SYNJ1: variants seen among roughly 807,000 people sequenced by gnomAD.
SYNJ1 encodes polyphosphatidylinositol phosphatase SYNJ1.
In SYNJ1, 78 loss-of-function variants were observed where a neutral mutation model predicts 168.2. The observed-to-expected ratio is 0.46, with a 90% confidence interval of 0.39 to 0.56. The LOEUF (loss-of-function observed/expected upper bound fraction) is 0.56. Among genes scored for constraint, SYNJ1 ranks in the 20% least tolerant of loss-of-function variants. The probability of loss-of-function intolerance (pLI) is 0.00; values close to 1 mark genes in which losing one functional copy is unlikely to be tolerated. For missense variants in SYNJ1, 1,303 were observed against 1,597.6 expected, an observed-to-expected ratio of 0.82 and a Z score of 3.14; for synonymous variants, 539 against 548.6, an observed-to-expected ratio of 0.98 and a Z score of 0.24.
chr21:32,653,402 C>A, intron 21 of SYNJ1, 36 bp from the exon 22 acceptor site: 1 of 1,488,514 alleles, frequency 6.7e-7, no homozygotes, highest in South Asian at 1.1e-5. Context: ...TAATTAATAC[C>A]ATAGACATAA....
At chr21:32,727,219 T>G (rs907303318) in intron 1 of SYNJ1, among the ~76,000 whole-genome samples, 1 of 152,230 alleles carries the variant, frequency 6.6e-6, no homozygotes, top group Admixed American at 6.5e-5. Context: ...AGGAAAAATT[T>G]TGAGCGTATT....
At chr21:32,697,035 C>A (rs2042237850) in intron 4 of SYNJ1, among the ~76,000 whole-genome samples, 1 of 152,234 alleles carries the variant, frequency 6.6e-6, no homozygotes, top group Non-Finnish European at 1.5e-5. Flanking sequence ...TTATAAGAAA[C>A]TTACTTGTCC....
intron 2 of SYNJ1, among the ~76,000 whole-genome samples, chr21:32,714,623 G>A (rs1400142455): frequency 6.6e-6 from 1 of 152,184 alleles, no homozygotes; most frequent in Non-Finnish European, 1.5e-5. Flanking sequence ...TTGGTAGATG[G>A]AGTGCAATCC....
At chr21:32,658,017 T>C (rs192415536) in intron 18 of SYNJ1, 145 bp from the exon 19 acceptor site, 464 of 634,404 alleles carry the variant, frequency 7.3e-4, no homozygotes, top group Non-Finnish European at 1.0e-3. Context: ...TCTAGCTGAA[T>C]GGAACAAAGC....
intron 2 of SYNJ1, among the ~76,000 whole-genome samples, chr21:32,725,163 T>C (rs553809573): frequency 6.6e-6 from 1 of 152,328 alleles, no homozygotes; most frequent in South Asian, 2.1e-4. Context: ...TGACTTGCTA[T>C]TATGAGTAAT....
At chr21:32,708,529 T>C (rs1005570258) in intron 2 of SYNJ1, among the ~76,000 whole-genome samples, 2 of 152,340 alleles carry the variant, frequency 1.3e-5, no homozygotes, top group African/African-American at 4.8e-5. Context: ...TTCGGAGTGA[T>C]TCTGAGCCCA....
intron 32 of SYNJ1, among the ~76,000 whole-genome samples, chr21:32,632,217 T>A (rs1279728478): frequency 6.6e-6 from 1 of 152,238 alleles, no homozygotes; most frequent in Non-Finnish European, 1.5e-5. Flanking sequence ...ATGATGATGA[T>A]GTGGTTTCAT....
At chr21:32,722,205 A>T (rs3925462) in intron 2 of SYNJ1, among the ~76,000 whole-genome samples, 7,790 of 65,050 alleles carry the variant, frequency 0.12, 260 homozygotes, top group Middle Eastern at 0.23. Flanking sequence ...AAAAAAAAAA[A>T]ATATATATAT....
intron 4 of SYNJ1, among the ~76,000 whole-genome samples, chr21:32,697,854 A>G (rs1207453303): frequency 6.6e-6 from 1 of 152,218 alleles, no homozygotes; most frequent in African/African-American, 2.4e-5. Flanking sequence ...CCTAGGCAAT[A>G]TATCTGCATC....
chr21:32,639,538 T>A (rs1166168384), intron 30 of SYNJ1, 133 bp downstream of exon 30: 1 of 683,234 alleles, frequency 1.5e-6, no homozygotes, highest in Non-Finnish European at 2.5e-6. Context: ...ACCACAGGCA[T>A]GTGCCATCAC....
chr21:32,718,614 C>T (rs1348097234), intron 2 of SYNJ1, among the ~76,000 whole-genome samples: 16 of 151,410 alleles, frequency 1.1e-4, no homozygotes, highest in Non-Finnish European at 2.1e-4. Context: ...AGAGACAGGA[C>T]ACTGCAACTT....
chr21:32,649,595 T>C lies in SYNJ1; in HGVS notation c.3037+589A>G, dbSNP rs558312162. 5.9e-5 allele frequency among the ~76,000 whole-genome samples: 9 copies of C among 152,330 alleles called. No homozygotes were observed. The South Asian group carries it at 1.7e-3, about 28-fold the overall frequency. On this transcript the variant is annotated intron_variant, in intron 23 of 32. Transcript: ENST00000674351. ...TACTTTTTTACCTCAACTTTAATTA[T>C]TGGGACTAAACCATACACCAACAAT...
chr21:32,674,318 C>T (rs1267288919), intron 13 of SYNJ1, among the ~76,000 whole-genome samples: 1 of 152,236 alleles, frequency 6.6e-6, no homozygotes, highest in Non-Finnish European at 1.5e-5. Context: ...TCTTTACTTT[C>T]CAATGAGGCC....
intron 2 of SYNJ1, among the ~76,000 whole-genome samples, chr21:32,709,798 G>GT (rs1343616294): frequency 2.6e-5 from 4 of 152,122 alleles, no homozygotes; most frequent in African/African-American, 4.8e-5. Flanking sequence ...GATTATAGGC[G>GT]TAAGCCATGG....
chr21:32,651,762 G>C (rs1230797621), intron 22 of SYNJ1, among the ~76,000 whole-genome samples: 1 of 152,078 alleles, frequency 6.6e-6, no homozygotes, highest in African/African-American at 2.4e-5. Context: ...CTGGAATATT[G>C]GCTTTAATAA....
At chr21:32,650,659 A>G (rs1178205300) in intron 22 of SYNJ1, among the ~76,000 whole-genome samples, 5 of 152,234 alleles carry the variant, frequency 3.3e-5, no homozygotes, top group Non-Finnish European at 7.3e-5. Flanking sequence ...ACTCTGCTAC[A>G]TAACTTTATA....
Position 32,631,399 on chromosome 21 carries a change from G to A in SYNJ1, c.*406C>T. 2 of 1,614,198 alleles carry A rather than the reference G, an allele frequency of 1.2e-6. No homozygotes were observed. Among genetic ancestry groups the A allele is most frequent in the Non-Finnish European group, 1.7e-6 (2 of 1,180,036 alleles). On this transcript the variant is annotated 3_prime_UTR_variant, in exon 33 of 33. Transcript: ENST00000674351. Reference sequence around the variant, plus strand: ...CCAAGAGGCTGCAGAGAAGGGAAAGGACTGATAGTAACGGGCTCTTCTTTG... The same window carrying A: ...CCAAGAGGCTGCAGAGAAGGGAAAGAACTGATAGTAACGGGCTCTTCTTTG...
chr21:32,643,549 C>A (rs2039940872), intron 26 of SYNJ1, 92 bp from the exon 27 acceptor site: 2 of 1,335,426 alleles, frequency 1.5e-6, no homozygotes, highest in South Asian at 1.2e-5. Context: ...ATAGTAAACT[C>A]ACTTTTGCAA....
intron 25 of SYNJ1, 118 bp from the exon 26 acceptor site, chr21:32,645,124 T>C: frequency 1.1e-6 from 1 of 942,564 alleles, no homozygotes; most frequent in South Asian, 1.8e-5. Flanking sequence ...TTACATATTA[T>C]CTACGTACTA....
Sources: allele counts gnomAD v4.1 joint callset (sites outside exome capture counted in the v4.1 genomes callset), GRCh38; gene constraint gnomAD v4.1.1; transcripts MANE v1.5; gene names NCBI Gene and HGNC (gene_info 2026-07-23, HGNC 2026-07-21).